Variants in CD4 observed in about 807,000 individuals in gnomAD.
The protein encoded by CD4 is CD4 molecule.
A neutral mutation model predicts 50.5 loss-of-function variants in CD4; 25 were observed. The observed-to-expected ratio is 0.49, with a 90% confidence interval of 0.36 to 0.69. CD4 has a LOEUF of 0.69. Among genes scored for constraint, CD4 ranks in the 30% least tolerant of loss-of-function variants. The probability of loss-of-function intolerance (pLI) is 0.00; values close to 1 mark genes in which losing one functional copy is unlikely to be tolerated. For missense variants in CD4, 456 were observed against 548.5 expected (o/e 0.83, Z 1.68); for synonymous variants, 207 against 221.9 (o/e 0.93, Z 0.60).
chr12:6,805,792 G>C (rs1942735231), intron 3 of CD4, among the ~76,000 whole-genome samples: 2 of 151,720 alleles, frequency 1.3e-5, no homozygotes, highest in Admixed American at 1.3e-4. Context: ...ATATAAACAA[G>C]TTGGCCAGGT....
chr12:6,818,102 G>GCA lies in CD4; in HGVS notation c.1157-308_1157-307dup, dbSNP rs536043815. Reference sequence around the variant, plus strand: ...CATGGACTCACACGCGCACACGCGCGCACACACACACATTCACACCATTCA... The same window carrying GCA: ...CATGGACTCACACGCGCACACGCGCGCACACACACACACATTCACACCATTCA... On this transcript the variant is annotated intron_variant, in intron 7 of 9. Coordinates refer to ENST00000011653, the MANE Select transcript of CD4 (RefSeq NM_000616.5). The surrounding 1 kb of genome is among the most constrained non-coding windows in gnomAD (Gnocchi z 5.0). Among the ~76,000 whole-genome samples, 102 of 112,008 alleles carry GCA rather than the reference G, an allele frequency of 9.1e-4. 1 individual carries two copies. The highest frequency in any genetic ancestry group is 1.8e-4 in the Non-Finnish European group (9 of 50,492). 73.5% of individuals were successfully genotyped at this position (112,008 alleles called of 152,430 possible).
chr12:6,809,350 G>A (rs1387773469), intron 3 of CD4, among the ~76,000 whole-genome samples: 1 of 152,058 alleles, frequency 6.6e-6, no homozygotes, highest in Non-Finnish European at 1.5e-5. Context: ...ACAAAAGTTA[G>A]TCGGGAGTGG....
intron 1 of CD4, among the ~76,000 whole-genome samples, chr12:6,795,145 C>T (rs1942336168): frequency 1.5e-5 from 2 of 129,612 alleles, no homozygotes; most frequent in African/African-American, 2.9e-5. Flanking sequence ...TCTAATCTAT[C>T]TTTCTGTCTA....
intron 6 of CD4, 85 bp from the exon 7 acceptor site, chr12:6,817,045 A>G: frequency 8.3e-7 from 1 of 1,206,916 alleles, no homozygotes; most frequent in Non-Finnish European, 1.2e-6. Flanking sequence ...CTAAAAGGCT[A>G]AAAGAAGGTC....
chr12:6,808,450 C>CAAAAAAAAAAA lies in CD4; in HGVS notation c.215-5670_215-5660dup, dbSNP rs3032789. 1.8e-3 allele frequency among the ~76,000 whole-genome samples: 67 copies of CAAAAAAAAAAA among 37,800 alleles called. 3 individuals carry two copies. The highest frequency in any genetic ancestry group is 2.4e-3 in the African/African-American group (49 of 20,144). The allele number at this position is 37,800 out of a possible 152,430, so 24.8% of individuals were successfully genotyped here. On this transcript the variant is annotated intron_variant, in intron 3 of 9. Transcript: ENST00000011653. ...TGGGTGACAAAGTGAGATTCTGTCT[C>CAAAAAAAAAAA]AAAAAAAAAAAAAAAAAAAAAAAAA...
At chr12:6,810,408 G>A (rs1434440085) in intron 3 of CD4, among the ~76,000 whole-genome samples, 2 of 152,192 alleles carry the variant, frequency 1.3e-5, no homozygotes, top group African/African-American at 2.4e-5. Flanking sequence ...AACCAATTGC[G>A]TTTGGGGTGA....
chr12:6,802,484 T>C (rs1389500228), intron 3 of CD4, among the ~76,000 whole-genome samples: 1 of 152,016 alleles, frequency 6.6e-6, no homozygotes, highest in African/African-American at 2.4e-5. Context: ...AATTTTTTAC[T>C]TTTTGTAGAG....
intron 5 of CD4, 52 bp downstream of exon 5, chr12:6,815,044 GCCCC>G (rs1943050554): frequency 7.9e-7 from 1 of 1,270,998 alleles, no homozygotes; most frequent in Admixed American, 2.1e-5. Context: ...GGGGCTGACA[GCCCC>G]TCCCTCTGCT....
At chr12:6,809,638 G>A (rs1444560092) in intron 3 of CD4, among the ~76,000 whole-genome samples, 1 of 152,110 alleles carries the variant, frequency 6.6e-6, no homozygotes. Context: ...CGCCTACTTG[G>A]ATTTCCCTTC....
At chr12:6,804,241 A>G (rs959634325) in intron 3 of CD4, among the ~76,000 whole-genome samples, 1 of 152,162 alleles carries the variant, frequency 6.6e-6, no homozygotes, top group Admixed American at 6.5e-5. Context: ...TAATGGTGAA[A>G]AACTGAATTC....
At chr12:6,799,156 T>C (rs1289870821) in intron 1 of CD4, 1 of 152,182 alleles carries the variant, frequency 6.6e-6, no homozygotes, top group Non-Finnish European at 1.5e-5. Context: ...AAGTTGTTGG[T>C]GCCGCAAACA....
At chr12:6,815,695 A>G in intron 5 of CD4, 1 of 1,310,114 alleles carries the variant, frequency 7.6e-7, no homozygotes, top group Non-Finnish European at 1.0e-6. Context: ...GGCACAGAGT[A>G]AGCCCTAGTT....
rs28917492 is a variant in CD4 at position 6,811,099 on chromosome 12, A to G, written c.215-3043A>G. On this transcript the variant is annotated intron_variant, in intron 3 of 9. Transcript: ENST00000011653. ...ACTGAACTGGTATCCAGGCTCCCAC[A>G]CCAAGGCAGAAAGAGGGAGAGGACC... 9.5e-3 allele frequency among the ~76,000 whole-genome samples: 1,451 copies of G among 152,210 alleles called. 18 individuals carry two copies. The highest frequency in any genetic ancestry group is 0.033 in the African/African-American group (1,351 of 41,512).
Position 6,800,066 on chromosome 12 carries a change from C to G in CD4, c.-67-6C>G. On this transcript the variant is annotated splice_polypyrimidine_tract_variant and splice_region_variant and intron_variant, in intron 1 of 9. Coordinates refer to ENST00000011653, the MANE Select transcript of CD4 (RefSeq NM_000616.5). Reference sequence around the variant, plus strand: ...TTTGCTGACTAATGATTGGCATTTCCCTCAGGCCCTGCCATTTCTGTGGGC... The same window carrying G: ...TTTGCTGACTAATGATTGGCATTTCGCTCAGGCCCTGCCATTTCTGTGGGC... 1 of 1,353,078 alleles carries G rather than the reference C, an allele frequency of 7.4e-7. No homozygotes were observed. The highest frequency in any genetic ancestry group is 1.2e-5 in the South Asian group (1 of 85,880). 83.8% of individuals were successfully genotyped at this position (1,353,078 alleles called of 1,614,324 possible). A position where few individuals can be genotyped will look rare whatever the true frequency, so the allele number is the denominator to read the frequency against.
Position 6,816,984 on chromosome 12 carries a change from C to G in CD4, c.956-146C>G. 1 of 644,810 alleles carries G rather than the reference C, an allele frequency of 1.6e-6. No individual in the cohort carries two copies. Among genetic ancestry groups the G allele is most frequent in the Non-Finnish European group, 2.7e-6 (1 of 372,288 alleles). 39.9% of individuals were successfully genotyped at this position (644,810 alleles called of 1,614,324 possible). A position where few individuals can be genotyped will look rare whatever the true frequency, so the allele number is the denominator to read the frequency against. On this transcript the variant is annotated intron_variant, in intron 6 of 9. Coordinates refer to ENST00000011653, the MANE Select transcript of CD4 (RefSeq NM_000616.5). This position sits in a 1 kb window ranked among gnomAD's most constrained non-coding sequence, Gnocchi z 4.9. ...TGGAGCTGGGATTCAAATCCAATAC[C>G]ACTGGACCCCAAACGCTGTTTTTCC... is the stretch of plus-strand genomic sequence containing the variant.
chr12:6,819,003 G>A (rs947878884), intron 9 of CD4, 89 bp downstream of exon 9: 12 of 650,306 alleles, frequency 1.8e-5, no homozygotes, highest in African/African-American at 1.7e-4. Flanking sequence ...GCAAAGGGGG[G>A]CAGGAAGGGA....
chr12:6,819,510 A>G lies in CD4; in HGVS notation c.*181A>G, dbSNP rs1272842826. ...CTTCACTGGTTGAGTGTTGCTCTCT[A>G]GTTTCCAGAGGCTTAATCACACCGT... is the stretch of plus-strand genomic sequence containing the variant. On this transcript the variant is annotated 3_prime_UTR_variant, in exon 10 of 10. Transcript: ENST00000011653. The G allele has an allele frequency of 6.3e-6, 4 of 632,094 alleles. No individual in the cohort carries two copies. The highest frequency in any genetic ancestry group is 5.5e-5 in the African/African-American group (3 of 54,590). 39.2% of individuals were successfully genotyped at this position (632,094 alleles called of 1,614,324 possible).
At position 6,819,553 on chromosome 12, in the gene CD4, T is replaced by C. The variant is rs1943215765; in HGVS notation, c.*224T>C. The C allele has an allele frequency of 3.4e-6, 2 of 587,518 alleles. No individual in the cohort carries two copies. The highest frequency in any genetic ancestry group is 3.0e-5 in the Admixed American group (1 of 33,470). The allele number at this position is 587,518 out of a possible 1,614,324, so 36.4% of individuals were successfully genotyped here. A position where few individuals can be genotyped will look rare whatever the true frequency, so the allele number is the denominator to read the frequency against. On this transcript the variant is annotated 3_prime_UTR_variant, in exon 10 of 10. Coordinates refer to ENST00000011653, the MANE Select transcript of CD4 (RefSeq NM_000616.5). ...CACACCGTCCTCCACGCCATTTCCT[T>C]TTCCTTCAAGCCTAGCCCTTCTCTC... is the stretch of plus-strand genomic sequence containing the variant.
chr12:6,805,199 AAAAAAAAGAAAAG>A (rs1444095665), intron 3 of CD4, among the ~76,000 whole-genome samples: 12 of 84,432 alleles, frequency 1.4e-4, no homozygotes, highest in African/African-American at 2.6e-4. Flanking sequence ...AAAAAAAAAA[AAAAAAAAGAAAAG>A]AAAAGAAAAG....
Sources: gnomAD v4.1 joint callset for allele counts (sites outside exome capture counted in the v4.1 genomes callset) on GRCh38, gnomAD v4.1.1 for gene constraint, Gnocchi (gnomAD v3.1) non-coding constraint, MANE v1.5 for transcripts, NCBI Gene and HGNC (gene_info 2026-07-23, HGNC 2026-07-21) for gene names.